Variants in MEIS2 observed in about 807,000 individuals in gnomAD.
The protein encoded by MEIS2 is homeobox protein Meis2.
MEIS2 carries 9 observed loss-of-function variants against 58.6 expected under a neutral mutation model. The ratio of observed to expected loss-of-function variants is 0.15; its 90% CI spans 0.09 to 0.27. MEIS2 has a LOEUF of 0.27. MEIS2 is among the 10% of genes least tolerant of loss of function. MEIS2 has a pLI of 1.00. For synonymous variants in MEIS2, 221 were observed against 228.4 expected (o/e 0.97, Z 0.29); for missense variants, 427 against 635.0 (o/e 0.67, Z 3.52).
intron 8 of MEIS2, among the ~76,000 whole-genome samples, chr15:37,036,137 TA>T (rs1243825729): frequency 6.6e-6 from 1 of 152,208 alleles, no homozygotes; most frequent in Non-Finnish European, 1.5e-5. Context: ...AACAGGAAGA[TA>T]AAGATAAATT....
chr15:37,100,722 T>G (rs1227262601), upstream of MEIS2, among the ~76,000 whole-genome samples: 2 of 149,924 alleles, frequency 1.3e-5, no homozygotes, highest in Non-Finnish European at 3.0e-5. Context: ...TGTGTGTATG[T>G]GTGTGCGTGC....
chr15:36,997,171 G>A (rs1328533616), intron 8 of MEIS2, among the ~76,000 whole-genome samples: 1 of 152,172 alleles, frequency 6.6e-6, no homozygotes, highest in Non-Finnish European at 1.5e-5. Context: ...AGGAAAGATT[G>A]CTTACTTTGT....
At chr15:37,001,685 C>T (rs2060734055) in intron 8 of MEIS2, among the ~76,000 whole-genome samples, 1 of 152,120 alleles carries the variant, frequency 6.6e-6, no homozygotes, top group Admixed American at 6.5e-5. Flanking sequence ...TTAGTCATTC[C>T]CCTAAGGCCT....
chr15:37,099,136 A>T (rs1894777400), intron 1 of MEIS2: 4 of 1,127,078 alleles, frequency 3.5e-6, no homozygotes, highest in Non-Finnish European at 4.3e-6. Context: ...CTGGGGTAAA[A>T]GCTGGAGCGA....
chr15:37,060,893 T>G (rs1319508315), intron 7 of MEIS2, among the ~76,000 whole-genome samples: 1 of 152,166 alleles, frequency 6.6e-6, no homozygotes, highest in Non-Finnish European at 1.5e-5. Flanking sequence ...GGAAAACAGG[T>G]GTTTAATAAT....
intron 9 of MEIS2, among the ~76,000 whole-genome samples, chr15:36,917,698 T>C (rs1473488704): frequency 6.6e-6 from 1 of 152,316 alleles, no homozygotes; most frequent in South Asian, 2.1e-4. Flanking sequence ...AAATGTCACC[T>C]AAGGGCACTA....
intron 8 of MEIS2, among the ~76,000 whole-genome samples, chr15:36,965,097 C>T (rs1033990901): frequency 6.6e-6 from 1 of 152,158 alleles, no homozygotes; most frequent in Non-Finnish European, 1.5e-5. Context: ...AGAACTTAAG[C>T]TTCGAGTTCT....
chr15:36,944,839 T>C (rs150644597), intron 9 of MEIS2, among the ~76,000 whole-genome samples: 2,096 of 152,160 alleles, frequency 0.014, 28 homozygotes, highest in Non-Finnish European at 0.019. Flanking sequence ...TTTAGGTTTA[T>C]CTCGACCCCA....
At chr15:36,899,997 C>T (rs2056386056) in intron 9 of MEIS2, among the ~76,000 whole-genome samples, 2 of 152,078 alleles carry the variant, frequency 1.3e-5, no homozygotes, top group African/African-American at 4.8e-5. Flanking sequence ...TAATGAAAAC[C>T]CCCACAAGTT....
chr15:37,067,959 G>A (rs1003109189), intron 7 of MEIS2, among the ~76,000 whole-genome samples: 23 of 152,060 alleles, frequency 1.5e-4, no homozygotes, highest in African/African-American at 4.8e-4. Context: ...TCACTTAATT[G>A]CTATTATTAT....
intron 8 of MEIS2, chr15:36,972,807 T>C (rs2059613418): frequency 6.6e-6 from 1 of 152,194 alleles, no homozygotes; most frequent in Admixed American, 6.5e-5. Context: ...TACACTTTTT[T>C]TTTTCTGTGC....
intron 9 of MEIS2, among the ~76,000 whole-genome samples, chr15:36,931,864 C>T (rs951805373): frequency 6.6e-6 from 1 of 152,020 alleles, no homozygotes; most frequent in African/African-American, 2.4e-5. Context: ...GTTATTACAC[C>T]GTTTAAAATT....
chr15:36,973,101 A>G (rs1025127037), intron 8 of MEIS2, among the ~76,000 whole-genome samples: 5 of 152,240 alleles, frequency 3.3e-5, no homozygotes, highest in Non-Finnish European at 7.3e-5. Context: ...TAATCTCTCT[A>G]AGCCTCAGTT....
intron 8 of MEIS2, among the ~76,000 whole-genome samples, chr15:36,958,845 T>C (rs2141421446): frequency 6.6e-6 from 1 of 152,298 alleles, no homozygotes. Flanking sequence ...TTAACAATCA[T>C]TTCACATTTC....
chr15:37,063,765 G>A (rs1292373034), intron 7 of MEIS2, among the ~76,000 whole-genome samples: 1 of 152,092 alleles, frequency 6.6e-6, no homozygotes, highest in Non-Finnish European at 1.5e-5. Context: ...ATTCCAGATG[G>A]CACTCTTTAA....
intron 8 of MEIS2, among the ~76,000 whole-genome samples, chr15:37,010,934 C>T (rs1401561793): frequency 1.3e-5 from 2 of 152,216 alleles, no homozygotes; most frequent in Non-Finnish European, 2.9e-5. Context: ...TTCACAAACA[C>T]CGTCATTCTT....
At chr15:37,056,124 A>C (rs913053229) in intron 7 of MEIS2, among the ~76,000 whole-genome samples, 4 of 152,222 alleles carry the variant, frequency 2.6e-5, no homozygotes, top group Non-Finnish European at 5.9e-5. Flanking sequence ...TGAGCATGAA[A>C]ATTAGCAGAG....
intron 8 of MEIS2, among the ~76,000 whole-genome samples, chr15:37,028,065 G>A (rs1339139376): frequency 2.6e-5 from 4 of 152,156 alleles, no homozygotes; most frequent in Admixed American, 6.5e-5. Flanking sequence ...CAGTTTGGCT[G>A]CCCTAAAAAC....
At chr15:37,035,222 C>T (rs1378216073) in intron 8 of MEIS2, among the ~76,000 whole-genome samples, 1 of 152,130 alleles carries the variant, frequency 6.6e-6, no homozygotes, top group East Asian at 1.9e-4. Context: ...ATGAGAAACC[C>T]CTCCCCTCAC....
Sources: allele counts gnomAD v4.1 joint callset (sites outside exome capture counted in the v4.1 genomes callset), GRCh38; gene constraint gnomAD v4.1.1; transcripts MANE v1.5; gene names NCBI Gene and HGNC (gene_info 2026-07-23, HGNC 2026-07-21).